Variants in OSBPL1A observed in about 807,000 individuals in gnomAD.
OSBPL1A encodes oxysterol-binding protein-related protein 1.
OSBPL1A carries 80 observed loss-of-function variants against 137.1 expected under a neutral mutation model. The ratio of observed to expected loss-of-function variants is 0.58; its 90% CI spans 0.49 to 0.70. OSBPL1A has a LOEUF of 0.70. Ranked by LOEUF, OSBPL1A falls within the 30% of genes least tolerant of loss-of-function variation. The pLI is 0.00. For synonymous variants in OSBPL1A, 365 were observed against 389.7 expected (o/e 0.94, Z 0.75); for missense variants, 970 against 1,129.4 (o/e 0.86, Z 2.02).
chr18:24,163,558 T>C (rs965499604), intron 27 of OSBPL1A, among the ~76,000 whole-genome samples: 3 of 152,318 alleles, frequency 2.0e-5, no homozygotes. Flanking sequence ...TTCTAATAGG[T>C]TGGCTCGAAA....
chr18:24,395,387 T>C (rs778824893), intron 1 of OSBPL1A, among the ~76,000 whole-genome samples: 3 of 152,188 alleles, frequency 2.0e-5, no homozygotes, highest in Admixed American at 1.3e-4. Flanking sequence ...CTTCCAGTAA[T>C]GTCAAGAGGT....
At chr18:24,311,593 A>G in intron 13 of OSBPL1A, 1 of 674,618 alleles carries the variant, frequency 1.5e-6, no homozygotes, top group Non-Finnish European at 1.8e-6. Flanking sequence ...CCAACCAGGA[A>G]AGGTATCACT....
intron 18 of OSBPL1A, among the ~76,000 whole-genome samples, chr18:24,181,992 T>C (rs2086619186): frequency 6.6e-6 from 1 of 152,224 alleles, no homozygotes; most frequent in Admixed American, 6.5e-5. Context: ...TCTACATTTG[T>C]CTTGTAACAA....
chr18:24,324,955 G>A (rs947247057), intron 7 of OSBPL1A, among the ~76,000 whole-genome samples: 7 of 151,646 alleles, frequency 4.6e-5, no homozygotes, highest in South Asian at 2.1e-4. Context: ...GCATGGTAGC[G>A]CGCACCTGTA....
chr18:24,181,354 A>G (rs2086601222), intron 18 of OSBPL1A, 75 bp from the exon 19 acceptor site: 2 of 1,477,014 alleles, frequency 1.4e-6, no homozygotes, highest in East Asian at 2.3e-5. Flanking sequence ...TTTACATAAC[A>G]TCCTCCTGGA....
intron 5 of OSBPL1A, among the ~76,000 whole-genome samples, chr18:24,338,295 T>C (rs912990724): frequency 6.6e-6 from 1 of 151,774 alleles, no homozygotes; most frequent in South Asian, 2.1e-4. Context: ...TTAGCCAGGA[T>C]GGTCTCGATC....
intron 4 of OSBPL1A, among the ~76,000 whole-genome samples, chr18:24,362,283 C>A (rs1017470330): frequency 4.9e-4 from 74 of 152,122 alleles, no homozygotes; most frequent in African/African-American, 1.8e-3. Context: ...TCAGGCAAAT[C>A]GAGCCATCTG....
intron 15 of OSBPL1A, among the ~76,000 whole-genome samples, chr18:24,278,843 A>T (rs1338958065): frequency 2.0e-5 from 3 of 152,236 alleles, no homozygotes; most frequent in Non-Finnish European, 4.4e-5. Flanking sequence ...AGATTTATTT[A>T]GAACACTAAA....
chr18:24,392,634 A>G (rs1265186449), intron 1 of OSBPL1A, among the ~76,000 whole-genome samples: 2 of 152,238 alleles, frequency 1.3e-5, no homozygotes, highest in Non-Finnish European at 2.9e-5. Flanking sequence ...AACACATCCT[A>G]TAAACTAAAT....
At chr18:24,329,549 A>AG (rs1568031736) in intron 7 of OSBPL1A, among the ~76,000 whole-genome samples, 1 of 146,772 alleles carries the variant, frequency 6.8e-6, no homozygotes, top group Non-Finnish European at 1.5e-5. Flanking sequence ...AACTCTGTCA[A>AG]AAAAAAAAAA....
intron 21 of OSBPL1A, among the ~76,000 whole-genome samples, chr18:24,173,246 T>A (rs2086337289): frequency 6.6e-6 from 1 of 151,978 alleles, no homozygotes; most frequent in Admixed American, 6.6e-5. Context: ...GGGGCCTACC[T>A]CAGGATGGAG....
In OSBPL1A at chr18:24,341,550, C is replaced by G. The variant is rs757887706; in HGVS notation, c.391G>C (p.Glu131Gln). 6.2e-7 allele frequency: 1 copy of G among 1,608,286 alleles called. No individual in the cohort carries two copies. Among genetic ancestry groups the G allele is most frequent in the Non-Finnish European group, 8.5e-7 (1 of 1,175,510 alleles). ...THAEEIRSML[E>Q]AVERTQQRKL... ...TGTTCACATCCATGATATTTACCTT[C>G]AAGCATGCTTCTGATTTCTTCAGCA... The change falls in exon 5 of 28, where the codon GAA becomes CAA. Residue 131 changes from glutamate (E) to glutamine (Q), a missense_variant. This residue lies in a region of OSBPL1A where 647 missense variants were observed against 672.6 expected (regional missense o/e 0.96). Transcript: ENST00000319481.
chr18:24,356,015 A>G (rs1048880117), intron 4 of OSBPL1A, among the ~76,000 whole-genome samples: 2 of 150,130 alleles, frequency 1.3e-5, no homozygotes, highest in Admixed American at 6.6e-5. Flanking sequence ...AGAAAAAAAA[A>G]GAAAAGAAAA....
At chr18:24,280,337 C>A (rs1463693629) in intron 15 of OSBPL1A, among the ~76,000 whole-genome samples, 1 of 152,200 alleles carries the variant, frequency 6.6e-6, no homozygotes, top group Non-Finnish European at 1.5e-5. Flanking sequence ...CCGCCTCAGC[C>A]TCCCAAAATG....
At chr18:24,298,705 C>A (rs1334737245) in intron 14 of OSBPL1A, among the ~76,000 whole-genome samples, 1 of 152,214 alleles carries the variant, frequency 6.6e-6, no homozygotes, top group African/African-American at 2.4e-5. Flanking sequence ...GATTGGGACC[C>A]CTTTCCTGTA....
At chr18:24,311,891 A>G in intron 13 of OSBPL1A, 93 bp downstream of exon 13, 1 of 1,414,736 alleles carries the variant, frequency 7.1e-7, no homozygotes. Flanking sequence ...CAGAAATCAT[A>G]ATTTCAAAAC....
At chr18:24,276,384 CA>C (rs1158700016) in intron 15 of OSBPL1A, among the ~76,000 whole-genome samples, 1 of 152,114 alleles carries the variant, frequency 6.6e-6, no homozygotes, top group Non-Finnish European at 1.5e-5. Flanking sequence ...GATCAACCAC[CA>C]ACTTTACAAA....
chr18:24,343,065 GA>G (rs995981866), intron 4 of OSBPL1A, among the ~76,000 whole-genome samples: 18 of 150,594 alleles, frequency 1.2e-4, no homozygotes, highest in African/African-American at 2.2e-4. Flanking sequence ...CACAGAATGA[GA>G]AAAAAAAATT....
Position 24,263,758 on chromosome 18 carries a change from C to T in OSBPL1A, c.1281+17084G>A, listed in dbSNP as rs141269328. Reference sequence around the variant, plus strand: ...TCAAGTGATTCTCCTGCCTCAGCCTCCCGAGTAGCTGGGATTACAGGCATG... The same window carrying T: ...TCAAGTGATTCTCCTGCCTCAGCCTTCCGAGTAGCTGGGATTACAGGCATG... On this transcript the variant is annotated intron_variant, in intron 15 of 27. Transcript: ENST00000319481. 4.7e-3 allele frequency among the ~76,000 whole-genome samples: 709 copies of T among 152,270 alleles called. 5 individuals are homozygous for T. Among genetic ancestry groups the T allele is most frequent in the African/African-American group, 0.016 (678 of 41,562 alleles).
Sources: allele counts gnomAD v4.1 joint callset (sites outside exome capture counted in the v4.1 genomes callset), GRCh38; gene constraint gnomAD v4.1.1; regional missense constraint gnomAD v4.1.1; transcripts MANE v1.5; gene names NCBI Gene and HGNC (gene_info 2026-07-23, HGNC 2026-07-21).